TMEM196: variants seen among roughly 807,000 people sequenced by gnomAD.
The protein encoded by TMEM196 is transmembrane protein 196.
A neutral mutation model predicts 20.0 loss-of-function variants in TMEM196; 17 were observed. The ratio of observed to expected loss-of-function variants is 0.85; its 90% CI spans 0.58 to 1.27. The LOEUF is 1.27. Ranked by LOEUF, TMEM196 falls within the 50% of genes most tolerant of loss-of-function variation. The probability of loss-of-function intolerance (pLI) is 0.00; values close to 1 mark genes in which losing one functional copy is unlikely to be tolerated. For missense variants in TMEM196, 267 were observed against 223.0 expected (o/e 1.20, Z -1.26); for synonymous variants, 113 against 88.9 (o/e 1.27, Z -1.52).
Position 19,772,827 on chromosome 7 carries a change from A to G in TMEM196, c.-131T>C. ...ACTTTTCTTTCTTCAAGAGCGAGGCATTATCCACAAGGGCTGGATTTCCAG... is the reference window on the plus strand; with the variant it reads ...ACTTTTCTTTCTTCAAGAGCGAGGCGTTATCCACAAGGGCTGGATTTCCAG... On this transcript the variant is annotated 5_prime_UTR_variant, in exon 1 of 5. It removes an upstream start codon present in the reference 5' UTR. Transcript: ENST00000405844. The G allele has an allele frequency of 1.1e-6, 1 of 923,478 alleles. No homozygotes were observed. Among genetic ancestry groups the G allele is most frequent in the Non-Finnish European group, 1.5e-6 (1 of 689,370 alleles). The allele number at this position is 923,478 out of a possible 1,614,324, so 57.2% of individuals were successfully genotyped here.
At chr7:19,742,079 A>T (rs960353319) in intron 1 of TMEM196, among the ~76,000 whole-genome samples, 39 of 152,122 alleles carry the variant, frequency 2.6e-4, no homozygotes, top group Non-Finnish European at 5.0e-4. Flanking sequence ...TTGCATCTGG[A>T]CGAAATCCAG....
chr7:19,757,909 T>C (rs1271652731), intron 1 of TMEM196, among the ~76,000 whole-genome samples: 1 of 151,598 alleles, frequency 6.6e-6, no homozygotes, highest in Non-Finnish European at 1.5e-5. Flanking sequence ...TATAGGATGA[T>C]TAAAAGGCAT....
At chr7:19,761,782 C>A (rs967203167) in intron 1 of TMEM196, among the ~76,000 whole-genome samples, 6 of 152,142 alleles carry the variant, frequency 3.9e-5, no homozygotes, top group African/African-American at 1.4e-4. Context: ...ATGTAGCTAA[C>A]AGGCATGCAC....
intron 1 of TMEM196, among the ~76,000 whole-genome samples, chr7:19,758,990 C>A (rs1048207218): frequency 1.1e-4 from 17 of 152,164 alleles, no homozygotes; most frequent in Admixed American, 1.3e-4. Flanking sequence ...AAGACTTTTT[C>A]TCTTTACATA....
rs528149668 is a variant in TMEM196 at position 19,719,953 on chromosome 7, A to G, written c.*2175T>C. ...CAAAAGGCATTACAACATTTTTCTG[A>G]TGTATTATAATTTTGTATTGAACAA... is the stretch of plus-strand genomic sequence containing the variant. On this transcript the variant is annotated 3_prime_UTR_variant, in exon 5 of 5. Transcript: ENST00000405844. The G allele has an allele frequency of 4.6e-5, 7 of 152,000 alleles. No individual in the cohort carries two copies. The highest frequency in any genetic ancestry group is 1.9e-4 in the East Asian group (1 of 5,194). 9.4% of individuals were successfully genotyped at this position (152,000 alleles called of 1,614,324 possible). A position where few individuals can be genotyped will look rare whatever the true frequency, so the allele number is the denominator to read the frequency against.
intron 1 of TMEM196, among the ~76,000 whole-genome samples, chr7:19,755,354 C>T (rs540993492): frequency 6.6e-6 from 1 of 152,232 alleles, no homozygotes; most frequent in African/African-American, 2.4e-5. Context: ...GAGACGTGCA[C>T]ATACAAAAAT....
intron 1 of TMEM196, among the ~76,000 whole-genome samples, chr7:19,736,877 A>G (rs924903505): frequency 7.2e-5 from 11 of 151,996 alleles, no homozygotes; most frequent in Admixed American, 2.6e-4. Flanking sequence ...AGTGCCTTTC[A>G]TCATTGCTAA....
At position 19,773,044 on chromosome 7, in the gene TMEM196, C is replaced by G; in HGVS notation, c.-348G>C. The G allele has an allele frequency of 5.3e-6, 1 of 189,500 alleles. No homozygotes were observed. The highest frequency in any genetic ancestry group is 1.1e-5 in the Non-Finnish European group (1 of 92,908). 11.7% of individuals were successfully genotyped at this position (189,500 alleles called of 1,614,324 possible). Reference sequence around the variant, plus strand: ...CCGAGCCTTGCTCCCCAGGCGCTGTCCAGAGTTCTGCCGCGTCCCAAATCT... The same window carrying G: ...CCGAGCCTTGCTCCCCAGGCGCTGTGCAGAGTTCTGCCGCGTCCCAAATCT... On this transcript the variant is annotated 5_prime_UTR_variant, in exon 1 of 5. Coordinates refer to ENST00000405844, the MANE Select transcript of TMEM196 (RefSeq NM_001363562.2).
intron 1 of TMEM196, among the ~76,000 whole-genome samples, chr7:19,751,356 G>C (rs1784953971): frequency 6.6e-6 from 1 of 152,144 alleles, no homozygotes; most frequent in African/African-American, 2.4e-5. Flanking sequence ...CAAAGGTTTG[G>C]AATATAAAAC....
chr7:19,724,487 A>G (rs746690160), intron 3 of TMEM196, 134 bp from the exon 4 acceptor site: 18 of 768,938 alleles, frequency 2.3e-5, no homozygotes, highest in Non-Finnish European at 3.1e-5. Context: ...TATTTTTAAC[A>G]ATCATTTCTT....
intron 1 of TMEM196, among the ~76,000 whole-genome samples, chr7:19,757,409 T>G (rs1336281631): frequency 6.9e-6 from 1 of 144,114 alleles, no homozygotes. Context: ...GGGGTTTCAC[T>G]TGACCAGGCT....
At position 19,734,151 on chromosome 7, in the gene TMEM196, A is replaced by G. The variant is rs370447820; in HGVS notation, c.148-4713T>C. Among the ~76,000 whole-genome samples, 3 of 152,204 alleles carry G rather than the reference A, an allele frequency of 2.0e-5. No individual in the cohort carries two copies. In the East Asian group the frequency reaches 5.8e-4, roughly 29 times the overall value. On this transcript the variant is annotated intron_variant, in intron 1 of 4. Transcript: ENST00000405844. ...AGGAATGTGAAGACTATTTTGCACC[A>G]CAGATAATCACAGCCAAACAACATT...
chr7:19,769,552 G>A (rs1785777152), intron 1 of TMEM196, among the ~76,000 whole-genome samples: 1 of 151,910 alleles, frequency 6.6e-6, no homozygotes, highest in Non-Finnish European at 1.5e-5. Context: ...GCCCTCCACT[G>A]CCAGTCTGTG....
At position 19,737,328 on chromosome 7, in the gene TMEM196, G is replaced by A. The variant is rs147661494; in HGVS notation, c.148-7890C>T. On this transcript the variant is annotated intron_variant, in intron 1 of 4. Coordinates refer to ENST00000405844, the MANE Select transcript of TMEM196 (RefSeq NM_001363562.2). ...ACAATTGATGTTATCAATTGCTTGC[G>A]ATGTGAAGCAGCAGGAATTTTCATT... Among the ~76,000 whole-genome samples, 513 of 152,058 alleles carry A rather than the reference G, an allele frequency of 3.4e-3. 2 individuals are homozygous for A. Among genetic ancestry groups the A allele is most frequent in the African/African-American group, 0.01 (434 of 41,518 alleles).
chr7:19,734,797 A>G (rs1197977765), intron 1 of TMEM196, among the ~76,000 whole-genome samples: 1 of 152,220 alleles, frequency 6.6e-6, no homozygotes, highest in Non-Finnish European at 1.5e-5. Flanking sequence ...TTAAGCCACG[A>G]AATTTGCAGA....
At chr7:19,726,455 C>T (rs933548186) in intron 2 of TMEM196, among the ~76,000 whole-genome samples, 1 of 152,176 alleles carries the variant, frequency 6.6e-6, no homozygotes. Context: ...TTTAGGGACT[C>T]CTATGAACTG....
intron 1 of TMEM196, among the ~76,000 whole-genome samples, chr7:19,745,999 AC>A (rs1382860090): frequency 3.9e-5 from 6 of 152,130 alleles, no homozygotes; most frequent in African/African-American, 1.4e-4. Flanking sequence ...AAGGTGAGAT[AC>A]ACAGAAGAAC....
At chr7:19,750,924 G>C (rs1784936092) in intron 1 of TMEM196, among the ~76,000 whole-genome samples, 1 of 152,278 alleles carries the variant, frequency 6.6e-6, no homozygotes, top group East Asian at 1.9e-4. Context: ...TATCTGTAAA[G>C]GAGTAACTGT....
rs1051987565 is a variant in TMEM196, at chr7:19,772,786, C to T, written c.-90G>A. The stretch of plus-strand genomic sequence containing the variant: ...ACTATCCTCCTTACCCCTTCCACCC[C>T]CTACCAGATCCCAAAACTTTTCTTT... On this transcript the variant is annotated 5_prime_UTR_variant, in exon 1 of 5. Transcript: ENST00000405844. 4.1e-6 allele frequency: 5 copies of T among 1,223,814 alleles called. No individual in the cohort carries two copies. Among genetic ancestry groups the T allele is most frequent in the Non-Finnish European group, 4.2e-6 (4 of 949,426 alleles). 75.8% of individuals were successfully genotyped at this position (1,223,814 alleles called of 1,614,324 possible).
Sources: gnomAD v4.1 joint callset for allele counts (sites outside exome capture counted in the v4.1 genomes callset) on GRCh38, gnomAD v4.1.1 for gene constraint, MANE v1.5 for transcripts, NCBI Gene and HGNC (gene_info 2026-07-23, HGNC 2026-07-21) for gene names.